C12orf42: variants seen among roughly 807,000 people sequenced by gnomAD.
C12orf42 encodes the protein uncharacterized protein C12orf42.
C12orf42 carries 25 observed loss-of-function variants against 21.6 expected under a neutral mutation model. The ratio of observed to expected loss-of-function variants is 1.16; its 90% confidence interval spans 0.84 to 1.62. The LOEUF (loss-of-function observed/expected upper bound fraction) is 1.62. Ranked by LOEUF, C12orf42 falls within the 40% of genes most tolerant of loss-of-function variation. C12orf42 has a pLI of 0.00. For synonymous variants in C12orf42, 174 were observed against 175.0 expected (o/e 0.99, Z 0.05); for missense variants, 483 against 459.3 (o/e 1.05, Z -0.47).
intron 1 of C12orf42, among the ~76,000 whole-genome samples, chr12:103,495,573 C>T (rs1411392862): frequency 1.3e-5 from 2 of 151,968 alleles, no homozygotes; most frequent in African/African-American, 4.8e-5. Flanking sequence ...CAATGCATCA[C>T]CTGCTCGTCT....
intron 2 of C12orf42, among the ~76,000 whole-genome samples, chr12:103,468,581 T>C (rs1325609891): frequency 6.6e-6 from 1 of 152,216 alleles, no homozygotes; most frequent in Non-Finnish European, 1.5e-5. Context: ...TACTCTGGAC[T>C]AAGAGGCAAT....
the C12orf42 span, among the ~76,000 whole-genome samples, chr12:103,190,060 C>A: frequency 6.6e-6 from 1 of 152,008 alleles, no homozygotes; most frequent in African/African-American, 2.4e-5. Flanking sequence ...AATGTCCCAT[C>A]ATAGGAGTCT....
At chr12:103,492,530 A>G (rs1955248743) in intron 1 of C12orf42, among the ~76,000 whole-genome samples, 1 of 152,168 alleles carries the variant, frequency 6.6e-6, no homozygotes, top group Non-Finnish European at 1.5e-5. Context: ...ATAGACTTCT[A>G]CTTATTCATG....
At chr12:103,479,505 C>T (rs1436225207) in intron 1 of C12orf42, among the ~76,000 whole-genome samples, 1 of 152,016 alleles carries the variant, frequency 6.6e-6, no homozygotes, top group Non-Finnish European at 1.5e-5. Flanking sequence ...GTTGGATATG[C>T]TTGGTTGTTC....
At chr12:103,396,050 T>C (rs925271225) in intron 3 of C12orf42, among the ~76,000 whole-genome samples, 2 of 149,112 alleles carry the variant, frequency 1.3e-5, no homozygotes, top group Non-Finnish European at 3.0e-5. Flanking sequence ...ATATATAATA[T>C]ACATATATCA....
chr12:103,309,344 T>G (rs962242227), intron 4 of C12orf42, among the ~76,000 whole-genome samples: 2 of 152,228 alleles, frequency 1.3e-5, no homozygotes, highest in Non-Finnish European at 2.9e-5. Context: ...TTCCACTTAA[T>G]GAATAGTAAA....
chr12:103,230,520 T>C, the C12orf42 span, among the ~76,000 whole-genome samples: 2 of 152,312 alleles, frequency 1.3e-5, no homozygotes, highest in East Asian at 3.9e-4. Flanking sequence ...GAGGATTATA[T>C]AGGGAAATGA....
At chr12:103,266,671 T>C (rs1364736153), downstream of C12orf42, among the ~76,000 whole-genome samples, 3 of 152,180 alleles carry the variant, frequency 2.0e-5, no homozygotes, top group Non-Finnish European at 4.4e-5. Context: ...CAGGCTAACC[T>C]TGAATATTTC....
At chr12:103,448,819 C>T (rs1366612980) in intron 2 of C12orf42, among the ~76,000 whole-genome samples, 1 of 151,394 alleles carries the variant, frequency 6.6e-6, no homozygotes, top group African/African-American at 2.4e-5. Context: ...AAAAAGAGAA[C>T]ACTTTTACAC....
At chr12:103,160,301 C>G in the C12orf42 span, among the ~76,000 whole-genome samples, 1 of 152,130 alleles carries the variant, frequency 6.6e-6, no homozygotes, top group South Asian at 2.1e-4. Context: ...AGCAAAACTA[C>G]CAAGTGCTAT....
chr12:103,536,873 G>C, the C12orf42 span, among the ~76,000 whole-genome samples: 30 of 152,018 alleles, frequency 2.0e-4, no homozygotes, highest in African/African-American at 6.3e-4. Flanking sequence ...TCTCCTATAT[G>C]TTCCTATCCC....
At chr12:103,495,700 C>G (rs376911199) in intron 1 of C12orf42, 3 of 152,196 alleles carry the variant, frequency 2.0e-5, no homozygotes, top group Admixed American at 6.5e-5. Context: ...GCCCCCCACC[C>G]CCCTGCCCCG....
At chr12:103,294,617 A>AAAGG (rs1491417237) in intron 4 of C12orf42, among the ~76,000 whole-genome samples, 111 of 145,658 alleles carry the variant, frequency 7.6e-4, no homozygotes, top group Non-Finnish European at 1.2e-3. Context: ...AGAAAGAAAG[A>AAAGG]AAGAAAGAAA....
the C12orf42 span, among the ~76,000 whole-genome samples, chr12:103,205,306 T>A: frequency 4.9e-5 from 7 of 143,530 alleles, no homozygotes; most frequent in South Asian, 1.7e-3. Context: ...AGAGTTTTAG[T>A]GGACTCACAG....
At chr12:103,560,253 T>C in the C12orf42 span, among the ~76,000 whole-genome samples, 5 of 67,168 alleles carry the variant, frequency 7.4e-5, no homozygotes, top group Non-Finnish European at 1.4e-4. Flanking sequence ...TCTGGATTTC[T>C]AAATGCTTGT....
intron 4 of C12orf42, among the ~76,000 whole-genome samples, chr12:103,281,311 T>C (rs1173998126): frequency 6.6e-6 from 1 of 152,198 alleles, no homozygotes; most frequent in Non-Finnish European, 1.5e-5. Context: ...TGAATAAGCA[T>C]AAACATGGGA....
intron 2 of C12orf42, among the ~76,000 whole-genome samples, chr12:103,443,911 T>G (rs1951417692): frequency 6.6e-6 from 1 of 152,140 alleles, no homozygotes; most frequent in South Asian, 2.1e-4. Flanking sequence ...ACTGAAATTT[T>G]AATTAGCTAT....
chr12:103,323,790 C>A (rs1394206114), intron 4 of C12orf42, among the ~76,000 whole-genome samples: 1 of 152,098 alleles, frequency 6.6e-6, no homozygotes, highest in Non-Finnish European at 1.5e-5. Context: ...AAGCTAGTAT[C>A]CAAAGAACTG....
At chr12:103,289,160 G>C (rs1045454942) in intron 4 of C12orf42, among the ~76,000 whole-genome samples, 1 of 152,136 alleles carries the variant, frequency 6.6e-6, no homozygotes, top group African/African-American at 2.4e-5. Flanking sequence ...CAGTCTTAAT[G>C]CCTGAAGAGA....
Sources: gnomAD v4.1 joint callset for allele counts (sites outside exome capture counted in the v4.1 genomes callset) on GRCh38, gnomAD v4.1.1 for gene constraint, MANE v1.5 for transcripts, NCBI Gene and HGNC (gene_info 2026-07-23, HGNC 2026-07-21) for gene names.